Variants in ZNF318 observed in about 807,000 individuals in gnomAD.
ZNF318 encodes zinc finger protein 318.
ZNF318 carries 51 observed loss-of-function variants against 124.2 expected under a neutral mutation model. The ratio of observed to expected loss-of-function variants is 0.41; its 90% CI spans 0.33 to 0.52. The LOEUF (loss-of-function observed/expected upper bound fraction) is 0.52. ZNF318 is among the 20% of genes least tolerant of loss of function. The pLI, the probability that ZNF318 is intolerant of heterozygous loss-of-function variation, is 0.23. For synonymous variants in ZNF318, 1,090 were observed against 1,040.7 expected, an observed-to-expected ratio of 1.05 and a Z score of -0.91; for missense variants, 2,815 against 2,811.2, an observed-to-expected ratio of 1.00 and a Z score of -0.03.
At chr6:43,363,119 T>C (rs937254318) in intron 2 of ZNF318, among the ~76,000 whole-genome samples, 1 of 152,178 alleles carries the variant, frequency 6.6e-6, no homozygotes, top group Non-Finnish European at 1.5e-5. Context: ...ATTTTAATTT[T>C]TGTAATTTAA....
chr6:43,338,682 T>C lies in ZNF318; in HGVS notation c.5316A>G (p.Glu1772=). The C allele has an allele frequency of 1.2e-6, 2 of 1,614,242 alleles. No individual in the cohort carries two copies. Among genetic ancestry groups the C allele is most frequent in the Non-Finnish European group, 1.7e-6 (2 of 1,180,052 alleles). ...GTTCAGTGTTTGTCTCTATCTCACTTTCTCTACAATCCTCAGATTTACGGA... is the reference window on the plus strand; with the variant it reads ...GTTCAGTGTTTGTCTCTATCTCACTCTCTCTACAATCCTCAGATTTACGGA... ...QELRKSEDCR[E]SEIETNTELK... The change falls in exon 10 of 10, where the codon GAA becomes GAG. Residue 1772 remains glutamate (E), a synonymous_variant. Transcript: ENST00000361428.
chr6:43,356,287 G>T, intron 3 of ZNF318, 142 bp from the exon 4 acceptor site: 1 of 899,868 alleles, frequency 1.1e-6, no homozygotes, highest in Non-Finnish European at 1.6e-6. Context: ...AGTATCCTTA[G>T]CCAGATTCAA....
chr6:43,339,001 C>G lies in ZNF318; in HGVS notation c.4997G>C (p.Ser1666Thr). The G allele has an allele frequency of 6.2e-7, 1 of 1,614,180 alleles. No individual in the cohort carries two copies. The highest frequency in any genetic ancestry group is 1.7e-5 in the Admixed American group (1 of 60,016). Residue 1666 changes from serine to threonine, a missense_variant, in exon 10 of 10, where the codon AGC becomes ACC. Ser to Thr is a moderately conservative substitution (Grantham distance 58, BLOSUM62 1). This residue lies in a region of ZNF318 where 927 missense variants were observed against 820.6 expected (regional missense o/e 1.13). Coordinates refer to ENST00000361428, the MANE Select transcript of ZNF318 (RefSeq NM_014345.3). The surrounding 1 kb of genome is among the most constrained non-coding windows in gnomAD (Gnocchi z 4.2). ...TAGGAAGCCATAGGTGCTGCCTGTG[C>G]TTTTTGGGCCTACATGTTCTACAAC... Reference protein sequence around the residue: ...WSVVEHVGPKSTGSTYGFLQP... With the variant: ...WSVVEHVGPKTTGSTYGFLQP...
In ZNF318 at chr6:43,339,672, T is replaced by C. The variant is rs1160811713; in HGVS notation, c.4326A>G (p.Pro1442=). 1.2e-6 allele frequency: 2 copies of C among 1,612,218 alleles called. No homozygotes were observed. Among genetic ancestry groups the C allele is most frequent in the South Asian group, 2.2e-5 (2 of 90,978 alleles). Residue 1442 remains proline (P), a synonymous_variant, in exon 10 of 10, where the codon CCA becomes CCG. Coordinates refer to ENST00000361428, the MANE Select transcript of ZNF318 (RefSeq NM_014345.3). This position sits in a 1 kb window ranked among gnomAD's most constrained non-coding sequence, Gnocchi z 4.2. The part of the protein sequence containing the change: ...EPSHLPEQIL[P]PPPPPPPPPP... The stretch of plus-strand genomic sequence containing the variant: ...GTGGAGGTGGGGGTGGTGGAGGAGG[T>C]GGTAGTATTTGTTCAGGTAAATGAG...
At position 43,357,483 on chromosome 6, in the gene ZNF318, A is replaced by G. The variant is rs1779625529; in HGVS notation, c.831T>C (p.Asp277=). Residue 277 remains aspartate (D), a synonymous_variant, in exon 3 of 10, where the codon GAT becomes GAC. Coordinates refer to ENST00000361428, the MANE Select transcript of ZNF318 (RefSeq NM_014345.3). Reference sequence around the variant, plus strand: ...CCATGCTGTTTATCTTCACTGTGTCATCATAACGGGGTCTTTTGGCCTCCC... The same window carrying G: ...CCATGCTGTTTATCTTCACTGTGTCGTCATAACGGGGTCTTTTGGCCTCCC... ...RSREAKRPRY[D]DTVKINSMGG... 6.2e-7 allele frequency: 1 copy of G among 1,614,178 alleles called. No individual in the cohort carries two copies. Among genetic ancestry groups the G allele is most frequent in the Non-Finnish European group, 8.5e-7 (1 of 1,180,020 alleles).
rs1779306152 is a variant in ZNF318, at chr6:43,337,764, G to C, written c.6234C>G (p.Thr2078=). The change falls in exon 10 of 10, where the codon ACC becomes ACG. Residue 2078 remains threonine (T), a synonymous_variant. Transcript: ENST00000361428. The part of the protein sequence containing the change: ...FSGFPLDSPK[T]LVLDFETEGE... Reference sequence around the variant, plus strand: ...CCTCTGTCTCAAAGTCAAGCACCAAGGTTTTGGGAGAATCTAACGGAAACC... The same window carrying C: ...CCTCTGTCTCAAAGTCAAGCACCAACGTTTTGGGAGAATCTAACGGAAACC... The C allele has an allele frequency of 6.2e-7, 1 of 1,614,076 alleles. No individual in the cohort carries two copies. Among genetic ancestry groups the C allele is most frequent in the Non-Finnish European group, 8.5e-7 (1 of 1,180,050 alleles).
Position 43,355,682 on chromosome 6 carries a change from A to T in ZNF318, c.1652T>A (p.Val551Glu). 1 of 1,614,202 alleles carries T rather than the reference A, an allele frequency of 6.2e-7. No homozygotes were observed. Among genetic ancestry groups the T allele is most frequent in the Non-Finnish European group, 8.5e-7 (1 of 1,180,030 alleles). The change falls in exon 4 of 10, where the codon GTA becomes GAA. Residue 551 changes from valine (V) to glutamate (E), a missense_variant. By Grantham distance (121) the Val-to-Glu change is moderately radical. This residue lies in a region of ZNF318 where 1,377 missense variants were observed against 1,353.5 expected (regional missense o/e 1.02). Transcript: ENST00000361428. ...CTCAGAGCTCCCAAGGGGCTTTGGT[A>T]CGGATTCTGCCTTTAAATCCTCTTC... is the stretch of plus-strand genomic sequence containing the variant. ...DEEEDLKAES[V>E]PKPLGSSESE...
intron 7 of ZNF318, 87 bp downstream of exon 7, chr6:43,342,589 T>G: frequency 1.4e-6 from 2 of 1,424,288 alleles, no homozygotes; most frequent in Non-Finnish European, 2.0e-6. Flanking sequence ...GAATGTTTCC[T>G]TTTCCAGCTT....
rs769373604 is a variant in ZNF318, at chr6:43,355,799, C to T, written c.1535G>A (p.Ser512Asn). 8 of 1,614,126 alleles carry T rather than the reference C, an allele frequency of 5.0e-6. No homozygotes were observed. The highest frequency in any genetic ancestry group is 1.1e-5 in the South Asian group (1 of 91,094). ...TGTACTGGTAGAATCAGCCAACATGCTCAGAATGCGGGAAAAACCACTGCC... is the reference window on the plus strand; with the variant it reads ...TGTACTGGTAGAATCAGCCAACATGTTCAGAATGCGGGAAAAACCACTGCC... ...QDGSGFSRIL[S>N]MLADSTSTQE... Residue 512 changes from serine (S) to asparagine (N), a missense_variant, in exon 4 of 10, where the codon AGC (serine) becomes AAC (asparagine). Around this residue, in one of 4 missense-constraint regions of ZNF318, gnomAD observed 1,377 missense variants for 1,353.5 expected, o/e 1.02. Transcript: ENST00000361428.
intron 2 of ZNF318, among the ~76,000 whole-genome samples, chr6:43,362,791 A>C (rs974738392): frequency 2.0e-5 from 3 of 152,168 alleles, no homozygotes; most frequent in Non-Finnish European, 4.4e-5. Flanking sequence ...GGTATGAGCC[A>C]CTGCGCCAGG....
chr6:43,368,417 G>A (rs1779789552), intron 1 of ZNF318, among the ~76,000 whole-genome samples: 1 of 152,218 alleles, frequency 6.6e-6, no homozygotes, highest in Admixed American at 6.5e-5. Flanking sequence ...TCGATAAGAG[G>A]TAGTGGCTAT....
rs200855758 is a variant in ZNF318 at position 43,337,174 on chromosome 6, G to C, written c.6824C>G (p.Ser2275Cys). Reference protein sequence around the residue: ...TVGAIQDHTESSVHN With the variant: ...TVGAIQDHTECSVHN ...TATTTATTCTTAGTTGTGAACACTGGATTCTGTGTGGTCCTGGATGGCACC... is the reference window on the plus strand; with the variant it reads ...TATTTATTCTTAGTTGTGAACACTGCATTCTGTGTGGTCCTGGATGGCACC... Residue 2275 changes from serine (S) to cysteine (C), a missense_variant, in exon 10 of 10, where the codon TCC (serine) becomes TGC (cysteine). Coordinates refer to ENST00000361428, the MANE Select transcript of ZNF318 (RefSeq NM_014345.3). 341 of 1,594,762 alleles carry C rather than the reference G, an allele frequency of 2.1e-4. No homozygotes were observed. Among genetic ancestry groups the C allele is most frequent in the Non-Finnish European group, 2.8e-4 (330 of 1,170,004 alleles).
At chr6:43,367,942 T>C (rs993308999) in intron 1 of ZNF318, among the ~76,000 whole-genome samples, 1 of 152,160 alleles carries the variant, frequency 6.6e-6, no homozygotes, top group African/African-American at 2.4e-5. Flanking sequence ...GGAGGATTGA[T>C]TGAACCCCGG....
rs1391305207 is a variant in ZNF318, at chr6:43,339,377, G to T, written c.4621C>A (p.Pro1541Thr). ...LFSVLVRPPP[P>T]LSSVFSEQAK... Reference sequence around the variant, plus strand: ...TGTTCACTGAACACACTTGAGAGGGGTGGTGGAGGACGTACTAACACAGAG... The same window carrying T: ...TGTTCACTGAACACACTTGAGAGGGTTGGTGGAGGACGTACTAACACAGAG... Residue 1541 changes from proline (P) to threonine (T), a missense_variant, in exon 10 of 10, where the codon CCC (proline) becomes ACC (threonine). Pro to Thr is a conservative substitution (Grantham distance 38). Coordinates refer to ENST00000361428, the MANE Select transcript of ZNF318 (RefSeq NM_014345.3). The surrounding 1 kb of genome is among the most constrained non-coding windows in gnomAD (Gnocchi z 4.2). 6.2e-7 allele frequency: 1 copy of T among 1,614,144 alleles called. No individual in the cohort carries two copies. The highest frequency in any genetic ancestry group is 1.7e-5 in the Admixed American group (1 of 60,024).
At chr6:43,366,617 T>A (rs1779764598) in intron 1 of ZNF318, among the ~76,000 whole-genome samples, 2 of 152,092 alleles carry the variant, frequency 1.3e-5, no homozygotes, top group Admixed American at 1.3e-4. Flanking sequence ...GGCAACATAG[T>A]GAAATCCCTC....
At chr6:43,368,717 G>C in intron 1 of ZNF318, 1 of 985,472 alleles carries the variant, frequency 1.0e-6, no homozygotes, top group Non-Finnish European at 1.2e-6. Context: ...CACCCGGCAT[G>C]AGAGAAACAG....
Position 43,356,990 on chromosome 6 carries a change from T to TA in ZNF318, c.1188+135dup, listed in dbSNP as rs1779616365. 5 of 1,054,924 alleles carry TA rather than the reference T, an allele frequency of 4.7e-6. No homozygotes were observed. In the East Asian group the frequency reaches 1.3e-4, roughly 27 times the overall value. The allele number at this position is 1,054,924 out of a possible 1,614,324, so 65.3% of individuals were successfully genotyped here. ...GCCTACAGTTTCGTTTGGAGAGTCCTAGAAGGTGTAGCTCACAATGTCGGT... is the reference window on the plus strand; with the variant it reads ...GCCTACAGTTTCGTTTGGAGAGTCCTAAGAAGGTGTAGCTCACAATGTCGGT... On this transcript the variant is annotated intron_variant, in intron 3 of 9. Transcript: ENST00000361428.
chr6:43,365,258 T>C (rs1287619856), intron 2 of ZNF318, 34 bp downstream of exon 2: 3 of 1,597,056 alleles, frequency 1.9e-6, no homozygotes, highest in South Asian at 1.1e-5. Context: ...CTTCAAGTAC[T>C]AGTATAGTAG....
Position 43,337,284 on chromosome 6 carries a change from A to T in ZNF318, c.6714T>A (p.Ala2238=). The change falls in exon 10 of 10, where the codon GCT becomes GCA. Residue 2238 remains alanine, a synonymous_variant. Transcript: ENST00000361428. ...DSGDPLNLVK[A]PVSRSPPREQ... is the part of the protein sequence containing the mutation. ...CCCTTGGAGGGGACCTTGACACTGG[A>T]GCTTTAACCAAATTCAGAGGGTCGC... is the stretch of plus-strand genomic sequence containing the variant. 6 of 1,614,092 alleles carry T rather than the reference A, an allele frequency of 3.7e-6. No homozygotes were observed. Among genetic ancestry groups the T allele is most frequent in the Non-Finnish European group, 4.2e-6 (5 of 1,180,016 alleles).
Sources: allele counts gnomAD v4.1 joint callset (sites outside exome capture counted in the v4.1 genomes callset), GRCh38; gene constraint gnomAD v4.1.1; regional missense constraint gnomAD v4.1.1; non-coding constraint Gnocchi (gnomAD v3.1); transcripts MANE v1.5; gene names NCBI Gene and HGNC (gene_info 2026-07-23, HGNC 2026-07-21).